The following NOS1AP variants were observed in gnomAD, a reference collection of about 807,000 sequenced individuals.
NOS1AP encodes the protein carboxyl-terminal PDZ ligand of neuronal nitric oxide synthase protein.
NOS1AP carries 21 observed loss-of-function variants against 56.2 expected under a neutral mutation model. The ratio of observed to expected loss-of-function variants is 0.37; its 90% confidence interval spans 0.26 to 0.54. NOS1AP has a LOEUF of 0.54. Among genes scored for constraint, NOS1AP ranks in the 20% least tolerant of loss-of-function variants. The pLI, the probability that NOS1AP is intolerant of heterozygous loss-of-function variation, is 0.84. For synonymous variants in NOS1AP, 270 were observed against 274.6 expected (o/e 0.98, Z 0.17); for missense variants, 522 against 657.8 (o/e 0.79, Z 2.26).
At chr1:162,242,970 T>G (rs769201499) in intron 2 of NOS1AP, among the ~76,000 whole-genome samples, 11 of 146,946 alleles carry the variant, frequency 7.5e-5, no homozygotes, top group Non-Finnish European at 1.4e-4. Flanking sequence ...CGGTTTGAGC[T>G]CCTCCCCTAT....
At chr1:162,216,364 T>C (rs907473439) in intron 2 of NOS1AP, among the ~76,000 whole-genome samples, 3 of 152,232 alleles carry the variant, frequency 2.0e-5, no homozygotes, top group Non-Finnish European at 2.9e-5. Flanking sequence ...CCCATGTAAC[T>C]CTGCCCTGGC....
At chr1:162,159,457 CT>C (rs754595400) in intron 2 of NOS1AP, among the ~76,000 whole-genome samples, 16 of 152,106 alleles carry the variant, frequency 1.1e-4, no homozygotes, top group Non-Finnish European at 2.2e-4. Flanking sequence ...ATTTTTATGC[CT>C]TCCTTTGGGT....
intron 2 of NOS1AP, among the ~76,000 whole-genome samples, chr1:162,246,071 A>G (rs1653651279): frequency 6.6e-6 from 1 of 152,216 alleles, no homozygotes; most frequent in Non-Finnish European, 1.5e-5. Flanking sequence ...TCGAAAGAGT[A>G]AAAAATGGGA....
chr1:162,146,785 C>A (rs1158911732), intron 1 of NOS1AP, among the ~76,000 whole-genome samples: 2 of 152,188 alleles, frequency 1.3e-5, no homozygotes, highest in African/African-American at 4.8e-5. Flanking sequence ...AGTTCTCATA[C>A]ATTCCTTATT....
rs138381909 is a variant in NOS1AP at position 162,301,974 on chromosome 1, T to C, written c.344+1268T>C. Among the ~76,000 whole-genome samples the C allele has an allele frequency of 6.9e-3, 1,045 of 152,350 alleles. 10 individuals are homozygous for C. The highest frequency in any genetic ancestry group is 0.027 in the Middle Eastern group (8 of 294). ...TACTCATGCCAGGTACTGTGCTAGG[T>C]AATTTCATAGATTACTAAACTAAAT... On this transcript the variant is annotated intron_variant, in intron 4 of 9. Coordinates refer to ENST00000361897, the MANE Select transcript of NOS1AP (RefSeq NM_014697.3).
chr1:162,264,473 C>CCCCTGTCCTA (rs1654351897), intron 2 of NOS1AP, among the ~76,000 whole-genome samples: 1 of 99,934 alleles, frequency 1.0e-5, no homozygotes, highest in Non-Finnish European at 2.0e-5. Context: ...CTCCTCCCCT[C>CCCCTGTCCTA]CCCTCCCCTC....
intron 1 of NOS1AP, among the ~76,000 whole-genome samples, chr1:162,141,509 A>G (rs1342561425): frequency 6.6e-6 from 1 of 152,138 alleles, no homozygotes; most frequent in Non-Finnish European, 1.5e-5. Flanking sequence ...AAGACCTTGG[A>G]GCTACTTTCT....
intron 6 of NOS1AP, among the ~76,000 whole-genome samples, chr1:162,346,526 T>C (rs968514042): frequency 6.6e-6 from 1 of 152,186 alleles, no homozygotes; most frequent in Non-Finnish European, 1.5e-5. Flanking sequence ...TATATGTAGG[T>C]ATATATGTAT....
chr1:162,300,831 G>A, intron 4 of NOS1AP, 125 bp downstream of exon 4: 2 of 772,942 alleles, frequency 2.6e-6, no homozygotes, highest in Non-Finnish European at 4.6e-6. Context: ...TCCCTCCTGA[G>A]ACCTGTTGCT....
chr1:162,360,453 G>C (rs1657864269), intron 8 of NOS1AP: 1 of 242,738 alleles, frequency 4.1e-6, no homozygotes, highest in Admixed American at 5.0e-5. Context: ...ACTGATCTGG[G>C]CACTGTGGCT....
At chr1:162,337,791 A>G (rs1220399367) in intron 5 of NOS1AP, among the ~76,000 whole-genome samples, 1 of 152,202 alleles carries the variant, frequency 6.6e-6, no homozygotes, top group African/African-American at 2.4e-5. Context: ...AACTTTCCTT[A>G]TACTGAGCAA....
At position 162,228,226 on chromosome 1, in the gene NOS1AP, C is replaced by T. The variant is rs547645637; in HGVS notation, c.178-59118C>T. Among the ~76,000 whole-genome samples, 149 of 152,220 alleles carry T rather than the reference C, an allele frequency of 9.8e-4. 1 individual carries two copies. The highest frequency in any genetic ancestry group is 3.5e-3 in the African/African-American group (145 of 41,542). ...TCTGATATACCATCATAATTTTTTTCTTGAGTTTCTTCTGATTTTGTCAGA... is the reference window on the plus strand; with the variant it reads ...TCTGATATACCATCATAATTTTTTTTTTGAGTTTCTTCTGATTTTGTCAGA... On this transcript the variant is annotated intron_variant, in intron 2 of 9. Coordinates refer to ENST00000361897, the MANE Select transcript of NOS1AP (RefSeq NM_014697.3).
intron 5 of NOS1AP, among the ~76,000 whole-genome samples, chr1:162,343,072 T>A (rs1439276900): frequency 6.6e-6 from 1 of 152,204 alleles, no homozygotes; most frequent in East Asian, 1.9e-4. Context: ...AACCCCTGCA[T>A]GTGGCTCTTC....
intron 2 of NOS1AP, among the ~76,000 whole-genome samples, chr1:162,213,374 A>G (rs1185552621): frequency 6.6e-6 from 1 of 152,104 alleles, no homozygotes; most frequent in Non-Finnish European, 1.5e-5. Flanking sequence ...CTGGTCAGGA[A>G]TTTTTGCATT....
intron 2 of NOS1AP, among the ~76,000 whole-genome samples, chr1:162,179,110 G>A (rs1432257354): frequency 9.9e-5 from 15 of 151,776 alleles, no homozygotes; most frequent in African/African-American, 3.6e-4. Flanking sequence ...TCCTTTCTTT[G>A]CATGAATTTC....
chr1:162,329,683 G>A (rs183625427), intron 4 of NOS1AP, among the ~76,000 whole-genome samples: 2 of 152,036 alleles, frequency 1.3e-5, no homozygotes, highest in Non-Finnish European at 2.9e-5. Context: ...ACCAAGTAAT[G>A]GAGAAATAAG....
intron 2 of NOS1AP, among the ~76,000 whole-genome samples, chr1:162,155,519 T>C (rs1339657321): frequency 6.6e-6 from 1 of 151,230 alleles, no homozygotes; most frequent in African/African-American, 2.4e-5. Flanking sequence ...AAATGTGAGA[T>C]TTGAACAAAA....
rs746757436 is a variant in NOS1AP at position 162,287,482 on chromosome 1, G to T, written c.270+46G>T. ...ATCTGAGGTGAAGAGGAAAGCAGGG[G>T]AGGTAGGCATGGGGTACCTTCTTCT... is the stretch of plus-strand genomic sequence containing the variant. On this transcript the variant is annotated intron_variant, in intron 3 of 9. Coordinates refer to ENST00000361897, the MANE Select transcript of NOS1AP (RefSeq NM_014697.3). The T allele has an allele frequency of 2.7e-5, 36 of 1,323,452 alleles. No individual in the cohort carries two copies. In the Middle Eastern group the frequency reaches 1.3e-3, roughly 47 times the overall value. 82.0% of individuals were successfully genotyped at this position (1,323,452 alleles called of 1,614,324 possible). A position where few individuals can be genotyped will look rare whatever the true frequency, so the allele number is the denominator to read the frequency against.
At chr1:162,301,773 G>A (rs114979216) in intron 4 of NOS1AP, among the ~76,000 whole-genome samples, 10 of 152,294 alleles carry the variant, frequency 6.6e-5, no homozygotes, top group East Asian at 1.9e-4. Context: ...ATTTGGGGAC[G>A]TAGATTTAGG....
Sources: gnomAD v4.1 joint callset for allele counts (sites outside exome capture counted in the v4.1 genomes callset) on GRCh38, gnomAD v4.1.1 for gene constraint, MANE v1.5 for transcripts, NCBI Gene and HGNC (gene_info 2026-07-23, HGNC 2026-07-21) for gene names.